Variants in CELF2 observed in about 807,000 individuals in gnomAD.
The protein encoded by CELF2 is CUG triplet repeat RNA-binding protein 2.
In CELF2, 8 loss-of-function variants were observed where a neutral mutation model predicts 62.6. The ratio of observed to expected loss-of-function variants is 0.13; its 90% confidence interval spans 0.07 to 0.23. CELF2 has a LOEUF of 0.23. Among genes scored for constraint, CELF2 ranks in the 10% least tolerant of loss-of-function variants. CELF2 has a pLI of 1.00. For missense variants in CELF2, 333 were observed against 671.0 expected (o/e 0.50, Z 5.56); for synonymous variants, 258 against 250.0 (o/e 1.03, Z -0.30).
chr10:11,123,064 A>G (rs1621239), intron 1 of CELF2, among the ~76,000 whole-genome samples: 21,695 of 151,324 alleles, frequency 0.14, 2,816 homozygotes, highest in East Asian at 0.65. Context: ...TTGTACATCC[A>G]TAGTTTTCCA....
At chr10:11,113,514 T>C (rs1263857709) in intron 1 of CELF2, among the ~76,000 whole-genome samples, 1 of 152,210 alleles carries the variant, frequency 6.6e-6, no homozygotes, top group Non-Finnish European at 1.5e-5. Flanking sequence ...TAATTAAAGC[T>C]ATGCTGGAGA....
At chr10:11,146,669 T>C (rs747829422) in intron 1 of CELF2, among the ~76,000 whole-genome samples, 1 of 152,226 alleles carries the variant, frequency 6.6e-6, no homozygotes, top group Non-Finnish European at 1.5e-5. Flanking sequence ...TGTTACTATA[T>C]ACCATTGCTA....
At chr10:10,920,328 T>G (rs1317417902) in intron 2 of CELF2, among the ~76,000 whole-genome samples, 1 of 152,170 alleles carries the variant, frequency 6.6e-6, no homozygotes, top group African/African-American at 2.4e-5. Context: ...TCACGGGAAT[T>G]GGCAATCGAA....
the CELF2 span, among the ~76,000 whole-genome samples, chr10:10,706,791 T>C: frequency 6.6e-6 from 1 of 152,200 alleles, no homozygotes; most frequent in Non-Finnish European, 1.5e-5. Flanking sequence ...CAGTGACCTT[T>C]CTTTGCCTAG....
At chr10:10,940,446 A>G (rs572430469) in intron 2 of CELF2, among the ~76,000 whole-genome samples, 30 of 152,280 alleles carry the variant, frequency 2.0e-4, no homozygotes, top group African/African-American at 6.7e-4. Flanking sequence ...TGAGGAGTGC[A>G]TTTTTGAGGT....
the CELF2 span, chr10:10,792,337 G>A: frequency 5.0e-6 from 2 of 398,094 alleles, no homozygotes; most frequent in Non-Finnish European, 8.9e-6. Flanking sequence ...AGTTTTTGTG[G>A]GGGAGTGGGG....
intron 1 of CELF2, among the ~76,000 whole-genome samples, chr10:10,894,543 C>T (rs1285025107): frequency 6.6e-6 from 1 of 152,156 alleles, no homozygotes; most frequent in Non-Finnish European, 1.5e-5. Context: ...ACACAGACGT[C>T]CCAGGCCCTG....
intron 2 of CELF2, among the ~76,000 whole-genome samples, chr10:11,166,382 T>TG (rs779745938): frequency 1.3e-5 from 2 of 152,092 alleles, no homozygotes; most frequent in Non-Finnish European, 2.9e-5. Context: ...ATGACGGTGA[T>TG]GGGGGGCAGT....
chr10:10,980,420 TG>T (rs1439894905), intron 2 of CELF2, among the ~76,000 whole-genome samples: 1 of 152,224 alleles, frequency 6.6e-6, no homozygotes, highest in African/African-American at 2.4e-5. Flanking sequence ...TAGACTCAGG[TG>T]TGCCTCTATT....
chr10:11,118,178 TGAGG>T (rs1451503918), intron 1 of CELF2, among the ~76,000 whole-genome samples: 90 of 152,274 alleles, frequency 5.9e-4, no homozygotes, highest in African/African-American at 2.0e-3. Context: ...TAGCGCCAAC[TGAGG>T]GCTCATTGCC....
At chr10:10,902,852 G>A (rs1564793934) in intron 1 of CELF2, among the ~76,000 whole-genome samples, 1 of 148,890 alleles carries the variant, frequency 6.7e-6, no homozygotes, top group Non-Finnish European at 1.5e-5. Context: ...GACAAAGAAA[G>A]GGAGGGAGGA....
At chr10:11,119,414 A>G (rs1216769722) in intron 1 of CELF2, among the ~76,000 whole-genome samples, 1 of 151,170 alleles carries the variant, frequency 6.6e-6, no homozygotes, top group Non-Finnish European at 1.5e-5. Flanking sequence ...AGCAGACCTC[A>G]TTTCTTTCAT....
At chr10:11,272,828 G>A (rs1310885502) in intron 7 of CELF2, among the ~76,000 whole-genome samples, 1 of 152,194 alleles carries the variant, frequency 6.6e-6, no homozygotes, top group Non-Finnish European at 1.5e-5. Context: ...CTGGGTGGTG[G>A]TTTAATGACA....
At chr10:11,276,145 T>A (rs2086017672) in intron 8 of CELF2, among the ~76,000 whole-genome samples, 1 of 151,916 alleles carries the variant, frequency 6.6e-6, no homozygotes, top group Admixed American at 6.5e-5. Context: ...GTTTGTTTAT[T>A]TTTTTTTTCT....
At chr10:11,209,261 C>T (rs1439198147) in intron 2 of CELF2, among the ~76,000 whole-genome samples, 1 of 152,092 alleles carries the variant, frequency 6.6e-6, no homozygotes, top group Non-Finnish European at 1.5e-5. Flanking sequence ...AATCGGTGGC[C>T]TCATTTGTTC....
At chr10:11,272,272 AT>A (rs2084104611) in intron 7 of CELF2, among the ~76,000 whole-genome samples, 1 of 152,254 alleles carries the variant, frequency 6.6e-6, no homozygotes, top group Non-Finnish European at 1.5e-5. Context: ...GCTAAAATCT[AT>A]ATTTGCTCTG....
chr10:10,938,176 C>T lies in CELF2; in HGVS notation c.89+18177C>T, dbSNP rs1264995740. On this transcript the variant is annotated intron_variant, in intron 2 of 13. Transcript: ENST00000636488. The surrounding 1 kb of genome is among the most constrained non-coding windows in gnomAD (Gnocchi z 4.2). ...TCACTTTAGTGAAAAGCCAGCTGTTCTTTGTTTTCTAATGGGCATGTGATG... is the reference window on the plus strand; with the variant it reads ...TCACTTTAGTGAAAAGCCAGCTGTTTTTTGTTTTCTAATGGGCATGTGATG... Among the ~76,000 whole-genome samples the T allele has an allele frequency of 6.6e-6, 1 of 152,158 alleles. No individual in the cohort carries two copies. Among genetic ancestry groups the T allele is most frequent in the Admixed American group, 6.5e-5 (1 of 15,274 alleles).
At chr10:10,604,891 A>G in the CELF2 span, among the ~76,000 whole-genome samples, 278 of 152,342 alleles carry the variant, frequency 1.8e-3, 1 homozygote, top group Middle Eastern at 3.4e-3. Context: ...ATAAAAATGC[A>G]TAACTCTGAC....
Position 11,270,791 on chromosome 10 carries a change from A to C in CELF2, c.744A>C (p.Thr248=). ...QLNTATWGNL[T]GLGGLTPQYL... is the part of the protein sequence containing the mutation. ...ACACTGCCACCTGGGGGAACCTGAC[A>C]GGGCTGGGCGGACTGACCCCACAGT... The change falls in exon 7 of 13, where the codon ACA becomes ACC. Residue 248 remains threonine, a synonymous_variant. Coordinates refer to ENST00000633077, the MANE Select transcript of CELF2 (RefSeq NM_001326342.2). This position sits in a 1 kb window ranked among gnomAD's most constrained non-coding sequence, Gnocchi z 5.8. 6.6e-7 allele frequency: 1 copy of C among 1,515,990 alleles called. No individual in the cohort carries two copies. Among genetic ancestry groups the C allele is most frequent in the Non-Finnish European group, 8.9e-7 (1 of 1,126,780 alleles). The allele number at this position is 1,515,990 out of a possible 1,614,324, so 93.9% of individuals were successfully genotyped here.
Sources: allele counts gnomAD v4.1 joint callset (sites outside exome capture counted in the v4.1 genomes callset), GRCh38; gene constraint gnomAD v4.1.1; non-coding constraint Gnocchi (gnomAD v3.1); transcripts MANE v1.5; gene names NCBI Gene and HGNC (gene_info 2026-07-23, HGNC 2026-07-21).